GPRC5B: variants seen among roughly 807,000 people sequenced by gnomAD.
GPRC5B encodes the protein G protein-coupled receptor class C group 5 member B, also known as G protein-coupled receptor family C group 5 member B.
Under a neutral mutation model 30.1 loss-of-function variants are expected in GPRC5B, and 16 were observed. That is an observed-to-expected ratio of 0.53 (90% confidence interval 0.36 to 0.81). The LOEUF (loss-of-function observed/expected upper bound fraction) is 0.81, where lower values mean the gene tolerates loss of function less well. Ranked by LOEUF, GPRC5B falls within the 30% of genes least tolerant of loss-of-function variation. The probability of loss-of-function intolerance (pLI) is 0.01; values close to 1 mark genes in which losing one functional copy is unlikely to be tolerated. For missense variants in GPRC5B, 428 were observed against 544.7 expected, an observed-to-expected ratio of 0.79 and a Z score of 2.13; for synonymous variants, 241 against 239.5, an observed-to-expected ratio of 1.01 and a Z score of -0.06.
At position 19,861,867 on chromosome 16, in the gene GPRC5B, A is replaced by G. The variant is rs748535417; in HGVS notation, c.1137T>C (p.Thr379=). 6.2e-7 allele frequency: 1 copy of G among 1,613,424 alleles called. No homozygotes were observed. The highest frequency in any genetic ancestry group is 1.3e-5 in the African/African-American group (1 of 74,948). The change falls in exon 3 of 4, where the codon ACT becomes ACC. Residue 379 remains threonine, a synonymous_variant. Transcript: ENST00000300571. The part of the protein sequence containing the change: ...APFRSNVYQP[T]EMAVVLNGGT... ...CACCGTTGAGCACGACGGCCATCTC[A>G]GTTGGCTGATACACGTTGCTTCTAA...
chr16:19,871,870 G>A lies in GPRC5B; in HGVS notation c.976C>T (p.Leu326=), dbSNP rs2056722090. ...TTGTTCTCCATATAGGCCCGCGGCA[G>A]CTGCACGTCCTCCTCGAAGGCCGTC... ...RETAFEEDVQ[L]PRAYMENKAF... The change falls in exon 2 of 4, where the codon CTG becomes TTG. Residue 326 remains leucine (L), a synonymous_variant. Coordinates refer to ENST00000300571, the MANE Select transcript of GPRC5B (RefSeq NM_016235.3). The A allele has an allele frequency of 6.2e-7, 1 of 1,613,934 alleles. No individual in the cohort carries two copies. The highest frequency in any genetic ancestry group is 1.1e-5 in the South Asian group (1 of 91,078).
At position 19,871,833 on chromosome 16, in the gene GPRC5B, A is replaced by T. The variant is rs754650462; in HGVS notation, c.1013T>A (p.Met338Lys). Residue 338 changes from methionine to lysine, a missense_variant, in exon 2 of 4, where the codon ATG becomes AAG. Transcript: ENST00000300571. ...CACTTTACCTGCATTGTGTTCATCC[A>T]TGGAGAAGGCCTTGTTCTCCATATA... The part of the protein sequence containing the change: ...RAYMENKAFS[M>K]DEHNAALRTA... The T allele has an allele frequency of 6.2e-7, 1 of 1,613,718 alleles. No individual in the cohort carries two copies. The highest frequency in any genetic ancestry group is 1.7e-5 in the Admixed American group (1 of 60,024).
intron 2 of GPRC5B, among the ~76,000 whole-genome samples, chr16:19,864,520 G>A (rs991142491): frequency 2.0e-5 from 3 of 152,400 alleles, no homozygotes; most frequent in African/African-American, 7.2e-5. Context: ...CTCAGTGGAA[G>A]GATATAGGGT....
rs546183420 is a variant in GPRC5B, at chr16:19,861,927, G to A, written c.1077C>T (p.Pro359=). Residue 359 remains proline, a synonymous_variant, in exon 3 of 4, where the codon CCC becomes CCT. Coordinates refer to ENST00000300571, the MANE Select transcript of GPRC5B (RefSeq NM_016235.3). ...GFPNGSLGKR[P]SGSLGKRPSA... ...TGGGTCTTTTCCCCAAGCTGCCACT[G>A]GGTCTTTTTCCCAAGCTGCCGTTGG... The A allele has an allele frequency of 6.2e-7, 1 of 1,613,564 alleles. No individual in the cohort carries two copies. The highest frequency in any genetic ancestry group is 1.7e-5 in the Admixed American group (1 of 59,996).
At chr16:19,884,214 C>G (rs1021429708) in intron 1 of GPRC5B, among the ~76,000 whole-genome samples, 2 of 149,308 alleles carry the variant, frequency 1.3e-5, no homozygotes, top group Non-Finnish European at 3.0e-5. Context: ...AATGCGCACT[C>G]AAGCCGGCTG....
chr16:19,881,935 T>C (rs1338706492), intron 1 of GPRC5B, among the ~76,000 whole-genome samples: 4 of 152,164 alleles, frequency 2.6e-5, no homozygotes. Flanking sequence ...TTCTGCTGCA[T>C]CCCTGTTCTG....
chr16:19,871,902 A>G lies in GPRC5B; in HGVS notation c.944T>C (p.Met315Thr). ...PNYFDTSQPR[M>T]RETAFEEDVQ... ...GTCCTCCTCGAAGGCCGTCTCCCGC[A>G]TCCTGGGCTGCGACGTGTCGAAGTA... is the stretch of plus-strand genomic sequence containing the variant. The change falls in exon 2 of 4, where the codon ATG becomes ACG. Residue 315 changes from methionine to threonine, a missense_variant. Physicochemically the swap from Met to Thr is moderately conservative, Grantham distance 81. Coordinates refer to ENST00000300571, the MANE Select transcript of GPRC5B (RefSeq NM_016235.3). 6.2e-7 allele frequency: 1 copy of G among 1,614,032 alleles called. No homozygotes were observed. The highest frequency in any genetic ancestry group is 8.5e-7 in the Non-Finnish European group (1 of 1,180,028).
chr16:19,877,019 C>A (rs1634667), intron 1 of GPRC5B, among the ~76,000 whole-genome samples: 20,397 of 152,252 alleles, frequency 0.13, 1,813 homozygotes, highest in Non-Finnish European at 0.19. Context: ...TAGGATTGTT[C>A]TAGCACTCAC....
upstream of GPRC5B, chr16:19,885,407 C>T (rs2056842521): frequency 1.7e-6 from 2 of 1,157,800 alleles, no homozygotes; most frequent in Admixed American, 3.8e-5. This position sits in a 1 kb window ranked among gnomAD's most constrained non-coding sequence, Gnocchi z 5.3. Context: ...CGCTAGGCCT[C>T]CTCCAGGCAG....
In GPRC5B at chr16:19,872,532, C is replaced by G; in HGVS notation, c.314G>C (p.Gly105Ala). The G allele has an allele frequency of 6.2e-7, 1 of 1,613,988 alleles. No individual in the cohort carries two copies. The highest frequency in any genetic ancestry group is 8.5e-7 in the Non-Finnish European group (1 of 1,179,872). Residue 105 changes from glycine to alanine, a missense_variant, in exon 2 of 4, where the codon GGC becomes GCC. By Grantham distance (60) the Gly-to-Ala change is moderately conservative. Coordinates refer to ENST00000300571, the MANE Select transcript of GPRC5B (RefSeq NM_016235.3). The surrounding 1 kb of genome is among the most constrained non-coding windows in gnomAD (Gnocchi z 5.0). ...LHFLFLLGTL[G>A]LFGLTFAFII... ...GAAGGCAAACGTCAGCCCAAAGAGG[C>G]CCAGGGTCCCCAGGAGGAACAGAAA...
At chr16:19,878,744 T>C (rs1233157635) in intron 1 of GPRC5B, among the ~76,000 whole-genome samples, 1 of 152,112 alleles carries the variant, frequency 6.6e-6, no homozygotes, top group Non-Finnish European at 1.5e-5. Flanking sequence ...GCCGAGTGAA[T>C]GGATAAATGT....
At position 19,860,425 on chromosome 16, in the gene GPRC5B, T is replaced by A. The variant is rs2056611544; in HGVS notation, c.*75A>T. On this transcript the variant is annotated 3_prime_UTR_variant, in exon 4 of 4. Transcript: ENST00000300571. ...GCCTGGTTCGGCAACTGTTACCGAT[T>A]TCTCCCTCAAGAAAGACACAGCCAG... 3.2e-6 allele frequency: 3 copies of A among 941,758 alleles called. No individual in the cohort carries two copies. The highest frequency in any genetic ancestry group is 1.6e-5 in the African/African-American group (1 of 61,480). The allele number at this position is 941,758 out of a possible 1,614,324, so 58.3% of individuals were successfully genotyped here.
upstream of GPRC5B, chr16:19,885,366 C>A (rs1471157829): frequency 2.5e-6 from 3 of 1,198,028 alleles, no homozygotes; most frequent in African/African-American, 3.2e-5. This position sits in a 1 kb window ranked among gnomAD's most constrained non-coding sequence, Gnocchi z 5.3. Context: ...AAGTCACCAA[C>A]GCCCCGGTAT....
rs1189563876 is a variant in GPRC5B at position 19,860,399 on chromosome 16, G to A, written c.*101C>T. ...TTTCCAAATTTCCTGGCTGTGAGGC[G>A]GCCTGGTTCGGCAACTGTTACCGAT... On this transcript the variant is annotated 3_prime_UTR_variant, in exon 4 of 4. Coordinates refer to ENST00000300571, the MANE Select transcript of GPRC5B (RefSeq NM_016235.3). The A allele has an allele frequency of 1.6e-5, 12 of 731,594 alleles. No homozygotes were observed. Among genetic ancestry groups the A allele is most frequent in the African/African-American group, 8.8e-5 (5 of 56,526 alleles). The allele number at this position is 731,594 out of a possible 1,614,324, so 45.3% of individuals were successfully genotyped here.
Position 19,860,557 on chromosome 16 carries a change from A to T in GPRC5B, c.1168-13T>A. 2 of 1,572,878 alleles carry T rather than the reference A, an allele frequency of 1.3e-6. No homozygotes were observed. Among genetic ancestry groups the T allele is most frequent in the Non-Finnish European group, 1.8e-6 (2 of 1,142,616 alleles). ...GAGCAGTTGGGATCTGGAATAACAC[A>T]TAAGGATAACACACTGAGAACTCTG... On this transcript the variant is annotated splice_polypyrimidine_tract_variant and intron_variant, in intron 3 of 3. Coordinates refer to ENST00000300571, the MANE Select transcript of GPRC5B (RefSeq NM_016235.3).
In GPRC5B at chr16:19,858,464, C is replaced by G. The variant is rs764895836; in HGVS notation, c.*2036G>C. On this transcript the variant is annotated 3_prime_UTR_variant, in exon 4 of 4. Coordinates refer to ENST00000300571, the MANE Select transcript of GPRC5B (RefSeq NM_016235.3). ...CTTGGACAATAAAGAACTTAGAAAA[C>G]GAACGTGTGAATTGCTCCATCGTGT... 4 of 676,622 alleles carry G rather than the reference C, an allele frequency of 5.9e-6. No individual in the cohort carries two copies. The highest frequency in any genetic ancestry group is 1.6e-5 in the South Asian group (1 of 63,022). The allele number at this position is 676,622 out of a possible 1,614,324, so 41.9% of individuals were successfully genotyped here. A position where few individuals can be genotyped will look rare whatever the true frequency, so the allele number is the denominator to read the frequency against.
At chr16:19,866,741 A>G (rs1381814956) in intron 2 of GPRC5B, among the ~76,000 whole-genome samples, 1 of 152,162 alleles carries the variant, frequency 6.6e-6, no homozygotes, top group Non-Finnish European at 1.5e-5. Flanking sequence ...ATTGTTGCTT[A>G]TTTGCCACCA....
rs778977258 is a variant in GPRC5B at position 19,871,994 on chromosome 16, G to A, written c.852C>T (p.Val284=). The A allele has an allele frequency of 8.7e-6, 14 of 1,613,994 alleles. No homozygotes were observed. The highest frequency in any genetic ancestry group is 1.6e-4 in the Middle Eastern group (1 of 6,084). The change falls in exon 2 of 4, where the codon GTC becomes GTT. Residue 284 remains valine (V), a synonymous_variant. Transcript: ENST00000300571. ...GGATCTCAGGGATGGCGTGGAAGAT[G>A]ACGAAGACCCAGCCGCTGGCCGCCA... ...ITLAASGWVF[V]IFHAIPEIHC...
chr16:19,860,242 G>T lies in GPRC5B; in HGVS notation c.*258C>A. The T allele has an allele frequency of 2.2e-6, 1 of 460,804 alleles. No individual in the cohort carries two copies. The highest frequency in any genetic ancestry group is 3.9e-6 in the Non-Finnish European group (1 of 254,792). 28.5% of individuals were successfully genotyped at this position (460,804 alleles called of 1,614,324 possible). On this transcript the variant is annotated 3_prime_UTR_variant, in exon 4 of 4. Transcript: ENST00000300571. The stretch of plus-strand genomic sequence containing the variant: ...CCTAATACTATTTGCAATTAGCTTT[G>T]CTTTAGTTTGCGGGGATTGAGGTTG...
Sources: allele counts gnomAD v4.1 joint callset (sites outside exome capture counted in the v4.1 genomes callset), GRCh38; gene constraint gnomAD v4.1.1; non-coding constraint Gnocchi (gnomAD v3.1); transcripts MANE v1.5; gene names NCBI Gene and HGNC (gene_info 2026-07-23, HGNC 2026-07-21).